Variants in FGD2 observed in about 807,000 individuals in gnomAD.
The protein encoded by FGD2 is FYVE, RhoGEF and PH domain-containing protein 2.
A neutral mutation model predicts 75.9 loss-of-function variants in FGD2; 52 were observed. The observed-to-expected ratio is 0.69, with a 90% confidence interval of 0.55 to 0.86. The LOEUF (loss-of-function observed/expected upper bound fraction) is 0.86. FGD2 is among the 40% of genes least tolerant of loss of function. The pLI is 0.00. For synonymous variants in FGD2, 347 were observed against 348.6 expected, an observed-to-expected ratio of 1.00 and a Z score of 0.05; for missense variants, 790 against 872.0, an observed-to-expected ratio of 0.91 and a Z score of 1.18.
At chr6:37,021,795 C>T (rs970540141) in intron 12 of FGD2, 191 bp downstream of exon 12, 2 of 575,518 alleles carry the variant, frequency 3.5e-6, no homozygotes, top group Non-Finnish European at 6.1e-6. Flanking sequence ...AGCAAAACTT[C>T]CTTTGAGAGC....
At position 37,018,886 on chromosome 6, in the gene FGD2, G is replaced by A. The variant is rs116748750; in HGVS notation, c.1123-1655G>A. On this transcript the variant is annotated intron_variant, in intron 9 of 15. Transcript: ENST00000274963. ...CTAATTACTACAAACGTACTGTATG[G>A]ACTAGCAGGGGACTGAATTGACCTA... Among the ~76,000 whole-genome samples the A allele has an allele frequency of 3.0e-3, 458 of 152,278 alleles. 3 individuals are homozygous for A. Among genetic ancestry groups the A allele is most frequent in the African/African-American group, 0.011 (441 of 41,552 alleles).
Position 37,025,918 on chromosome 6 carries a change from A to G in FGD2, c.1585A>G (p.Lys529Glu). 1 of 1,614,182 alleles carries G rather than the reference A, an allele frequency of 6.2e-7. No homozygotes were observed. Among genetic ancestry groups the G allele is most frequent in the Non-Finnish European group, 8.5e-7 (1 of 1,180,028 alleles). Residue 529 changes from lysine to glutamate, a missense_variant, in exon 14 of 16, where the codon AAG (lysine) becomes GAG (glutamate). Transcript: ENST00000274963. ...TGTGCTGCCTGAGGCCAAGGAGGAC[A>G]AGAGGCGGGGCATCCTGGAGGTGAG... is the stretch of plus-strand genomic sequence containing the variant. The part of the protein sequence containing the change: ...GNVLPEAKED[K>E]RRGILEKGSS...
intron 4 of FGD2, among the ~76,000 whole-genome samples, chr6:37,012,195 A>G (rs1013093141): frequency 2.0e-5 from 3 of 152,196 alleles, no homozygotes; most frequent in African/African-American, 7.2e-5. Context: ...CAATCTTCAC[A>G]TCAGCCTGCT....
Position 37,014,036 on chromosome 6 carries a change from G to A in FGD2, c.759G>A (p.Glu253=), listed in dbSNP as rs907867251. The A allele has an allele frequency of 6.2e-7, 1 of 1,614,114 alleles. No individual in the cohort carries two copies. The highest frequency in any genetic ancestry group is 1.3e-5 in the African/African-American group (1 of 75,042). ...LEPVQRIPRY[E]LLLKEYIQKL... The stretch of plus-strand genomic sequence containing the variant: ...CAGTGCAGAGAATTCCACGTTACGA[G>A]CTGCTGCTCAAGGAGTACATCCAGA... The change falls in exon 6 of 16, where the codon GAG becomes GAA. Residue 253 remains glutamate (E), a synonymous_variant. Coordinates refer to ENST00000274963, the MANE Select transcript of FGD2 (RefSeq NM_173558.4).
chr6:37,012,688 G>A (rs1765066767), intron 4 of FGD2, among the ~76,000 whole-genome samples: 1 of 150,504 alleles, frequency 6.6e-6, no homozygotes, highest in African/African-American at 2.4e-5. Flanking sequence ...CTCCAGCCTG[G>A]GTGACAGAGA....
In FGD2 at chr6:37,011,723, G is replaced by C. The variant is rs1765014775; in HGVS notation, c.396G>C (p.Leu132=). 2.5e-6 allele frequency: 4 copies of C among 1,614,050 alleles called. No homozygotes were observed. The highest frequency in any genetic ancestry group is 3.4e-6 in the Non-Finnish European group (4 of 1,180,016). ...HLLDQVFFQE[L]LKTARSSKAF... is the part of the protein sequence containing the mutation. ...GGCTACAGGTGTTTTTCCAGGAGCT[G>C]CTGAAGACAGCCCGCAGCAGCAAGG... The change falls in exon 4 of 16, where the codon CTG becomes CTC. Residue 132 remains leucine (L), a synonymous_variant. Transcript: ENST00000274963.
chr6:37,007,836 G>T (rs1764824227), intron 1 of FGD2, among the ~76,000 whole-genome samples: 1 of 152,204 alleles, frequency 6.6e-6, no homozygotes. Flanking sequence ...AGGGAGGGGT[G>T]GGAGAGCCTG....
chr6:37,015,162 T>G, intron 8 of FGD2, 124 bp downstream of exon 8: 9 of 1,321,248 alleles, frequency 6.8e-6, no homozygotes, highest in Non-Finnish European at 9.1e-6. Flanking sequence ...AACGCTTCTC[T>G]GTCTTTTTCT....
rs1561922625 is a variant in FGD2, at chr6:37,005,803, C to G, written c.-15C>G. 6.2e-7 allele frequency: 1 copy of G among 1,613,446 alleles called. No homozygotes were observed. The highest frequency in any genetic ancestry group is 2.2e-5 in the East Asian group (1 of 44,872). ...GCTTCGAGGGTAGCTGAGATCCACC[C>G]CGGAAACCGGCAGGATGAAGGGGGC... On this transcript the variant is annotated 5_prime_UTR_variant, in exon 1 of 16. Coordinates refer to ENST00000274963, the MANE Select transcript of FGD2 (RefSeq NM_173558.4).
rs1764976850 is a variant in FGD2 at position 37,011,026 on chromosome 6, G to T, written c.354G>T (p.Val118=). 1 of 1,614,054 alleles carries T rather than the reference G, an allele frequency of 6.2e-7. No individual in the cohort carries two copies. The highest frequency in any genetic ancestry group is 8.5e-7 in the Non-Finnish European group (1 of 1,180,032). ...TGCTGGAGACAGAGCAGGCCTATGT[G>T]GCGCGCCTCCACCTGCTAGACCAGG... ...QELLETEQAY[V]ARLHLLDQVF... Residue 118 remains valine, a synonymous_variant, in exon 3 of 16, where the codon GTG becomes GTT. Coordinates refer to ENST00000274963, the MANE Select transcript of FGD2 (RefSeq NM_173558.4).
chr6:37,014,241 C>T (rs1765166910), intron 6 of FGD2, 141 bp downstream of exon 6: 9 of 1,042,650 alleles, frequency 8.6e-6, no homozygotes, highest in Non-Finnish European at 1.1e-5. Flanking sequence ...TCATCCATAC[C>T]ATTAGCCATT....
At chr6:37,007,323 C>G (rs1366864526) in intron 1 of FGD2, among the ~76,000 whole-genome samples, 1 of 152,204 alleles carries the variant, frequency 6.6e-6, no homozygotes, top group South Asian at 2.1e-4. Flanking sequence ...ACTTCCTGAG[C>G]TGGGTGATTC....
At chr6:37,016,290 T>C (rs1765289367) in intron 9 of FGD2, among the ~76,000 whole-genome samples, 1 of 152,078 alleles carries the variant, frequency 6.6e-6, no homozygotes, top group South Asian at 2.1e-4. Context: ...TGCAGGATTG[T>C]GAGAATTAAA....
rs1047380124 is a variant in FGD2 at position 37,022,357 on chromosome 6, G to A, written c.1445G>A (p.Arg482Gln). Residue 482 changes from arginine to glutamine, a missense_variant, in exon 13 of 16, where the codon CGG becomes CAG. By Grantham distance (43) the Arg-to-Gln change is conservative. Transcript: ENST00000274963. ...NALTRRRHHC[R>Q]ACGYVVCARC... ...CTGACGCGCCGTCGCCACCACTGCC[G>A]GGCCTGCGGCTATGTGAGTACTCCT... The A allele has an allele frequency of 3.8e-6, 6 of 1,582,626 alleles. No individual in the cohort carries two copies. Among genetic ancestry groups the A allele is most frequent in the Non-Finnish European group, 5.1e-6 (6 of 1,167,344 alleles).
At chr6:37,018,102 A>G (rs1316889771) in intron 9 of FGD2, among the ~76,000 whole-genome samples, 1 of 152,182 alleles carries the variant, frequency 6.6e-6, no homozygotes, top group Non-Finnish European at 1.5e-5. Flanking sequence ...AGAAATGGAG[A>G]CGGGTGGCCC....
chr6:37,022,085 G>T lies in FGD2; in HGVS notation c.1327-154G>T, dbSNP rs568244782. 19 of 1,026,278 alleles carry T rather than the reference G, an allele frequency of 1.9e-5. No individual in the cohort carries two copies. In the South Asian group the frequency reaches 3.0e-4, roughly 16 times the overall value. The allele number at this position is 1,026,278 out of a possible 1,614,324, so 63.6% of individuals were successfully genotyped here. ...GGTAACTAACGTATCATAAGGTCTC[G>T]ATCAGGTCAGTCAGCTTGCTGTAGA... On this transcript the variant is annotated intron_variant, in intron 12 of 15. Transcript: ENST00000274963.
chr6:37,017,554 C>A (rs1311805385), intron 9 of FGD2, among the ~76,000 whole-genome samples: 1 of 152,234 alleles, frequency 6.6e-6, no homozygotes, highest in South Asian at 2.1e-4. Context: ...GGTGGAATTT[C>A]TGGCATCGTG....
chr6:37,021,026 GTA>G (rs763441530), intron 11 of FGD2, among the ~76,000 whole-genome samples: 44 of 151,552 alleles, frequency 2.9e-4, no homozygotes, highest in East Asian at 2.3e-3. Flanking sequence ...ATGTATGTGT[GTA>G]TGTGTATATG....
chr6:37,022,228 T>C lies in FGD2; in HGVS notation c.1327-11T>C. ...AGGGCCCATTCCTGCCCAACTCCCCTTAACCCACAGCTGCAGTCTGAGGAG... is the reference window on the plus strand; with the variant it reads ...AGGGCCCATTCCTGCCCAACTCCCCCTAACCCACAGCTGCAGTCTGAGGAG... On this transcript the variant is annotated splice_polypyrimidine_tract_variant and intron_variant, in intron 12 of 15. Coordinates refer to ENST00000274963, the MANE Select transcript of FGD2 (RefSeq NM_173558.4). The C allele has an allele frequency of 6.3e-7, 1 of 1,599,496 alleles. No homozygotes were observed. The highest frequency in any genetic ancestry group is 8.5e-7 in the Non-Finnish European group (1 of 1,172,420).
Sources: gnomAD v4.1 joint callset for allele counts (sites outside exome capture counted in the v4.1 genomes callset) on GRCh38, gnomAD v4.1.1 for gene constraint, MANE v1.5 for transcripts, NCBI Gene and HGNC (gene_info 2026-07-23, HGNC 2026-07-21) for gene names.